Variants in ZNF737 observed in about 807,000 individuals in gnomAD.
ZNF737 encodes the protein zinc finger protein 737, also known as zinc finger protein 102 (Y3).
A neutral mutation model predicts 11.7 loss-of-function variants in ZNF737; 13 were observed. The observed-to-expected ratio is 1.11, with a 90% CI of 0.73 to 1.77. The LOEUF is 1.77. ZNF737 is among the 40% of genes most tolerant of loss of function. The pLI, the probability that ZNF737 is intolerant of heterozygous loss-of-function variation, is 0.00. For missense variants in ZNF737, 636 were observed against 638.0 expected (o/e 1.00, Z 0.03); for synonymous variants, 217 against 216.2 (o/e 1.00, Z -0.03).
chr19:20,546,662 C>T (rs1599411006), intron 3 of ZNF737, among the ~76,000 whole-genome samples: 1 of 152,104 alleles, frequency 6.6e-6, no homozygotes, highest in Non-Finnish European at 1.5e-5. Context: ...GGGAGATCCA[C>T]TGGGGCCAAA....
At chr19:20,553,192 T>C (rs1230424681) in intron 2 of ZNF737, among the ~76,000 whole-genome samples, 2 of 152,144 alleles carry the variant, frequency 1.3e-5, no homozygotes, top group Non-Finnish European at 2.9e-5. Context: ...GAGTGAAGAT[T>C]ACAGCTCACC....
intron 3 of ZNF737, among the ~76,000 whole-genome samples, chr19:20,548,567 T>C (rs1249946968): frequency 6.6e-6 from 1 of 152,136 alleles, no homozygotes; most frequent in Non-Finnish European, 1.5e-5. Flanking sequence ...GAAAACTTTC[T>C]AAAAGTCTTT....
rs571890513 is a variant in ZNF737, at chr19:20,539,158, C to T, written c.*5434G>A. 2.6e-4 allele frequency: 143 copies of T among 556,536 alleles called. 1 individual carries two copies. Among genetic ancestry groups the T allele is most frequent in the South Asian group, 1.3e-3 (16 of 12,736 alleles). 34.5% of individuals were successfully genotyped at this position (556,536 alleles called of 1,614,324 possible). On this transcript the variant is annotated 3_prime_UTR_variant, in exon 4 of 4. Transcript: ENST00000427401. The stretch of plus-strand genomic sequence containing the variant: ...TACAAAAATTATCCGGGCATAATGG[C>T]GGGTGCCTGTTATCCCAGCTACTCA...
chr19:20,553,807 A>G lies in ZNF737; in HGVS notation c.32T>C (p.Ile11Thr), dbSNP rs782535055. 4 of 1,613,908 alleles carry G rather than the reference A, an allele frequency of 2.5e-6. No individual in the cohort carries two copies. Among genetic ancestry groups the G allele is most frequent in the Non-Finnish European group, 3.4e-6 (4 of 1,179,912 alleles). Residue 11 changes from isoleucine to threonine, a missense_variant, in exon 2 of 4, where the codon ATA (isoleucine) becomes ACA (threonine). Transcript: ENST00000427401. The part of the protein sequence containing the change: MGPLQFRDVA[I>T]EFSLEEWHCL... ...ATGCCACTCCTCCAGAGAGAATTCT[A>G]TGGCCACGTCTCTAAATTGCAATGG...
downstream of ZNF737, among the ~76,000 whole-genome samples, chr19:20,532,645 T>A (rs1429787464): frequency 6.0e-5 from 9 of 149,872 alleles, no homozygotes; most frequent in Non-Finnish European, 1.2e-4. Context: ...TTTAATAACC[T>A]GGAACCTGGG....
At position 20,545,379 on chromosome 19, in the gene ZNF737, T is replaced by C; in HGVS notation, c.824A>G (p.His275Arg). The change falls in exon 4 of 4, where the codon CAT becomes CGT. Residue 275 changes from histidine to arginine, a missense_variant. His to Arg is a conservative substitution (Grantham distance 29, BLOSUM62 0). Transcript: ENST00000427401. The part of the protein sequence containing the change: ...AFKRSSNLTT[H>R]KIIHTGEKPY... Reference sequence around the variant, plus strand: ...TTTCTCTCCAGTATGAATTATCTTATGTGTAGTAAGGTTAGAGGAGCGCTT... The same window carrying C: ...TTTCTCTCCAGTATGAATTATCTTACGTGTAGTAAGGTTAGAGGAGCGCTT... 1.2e-6 allele frequency: 2 copies of C among 1,613,894 alleles called. No homozygotes were observed. Among genetic ancestry groups the C allele is most frequent in the Non-Finnish European group, 1.7e-6 (2 of 1,179,928 alleles).
At chr19:20,561,213 G>T (rs535461226) in intron 1 of ZNF737, among the ~76,000 whole-genome samples, 1 of 152,310 alleles carries the variant, frequency 6.6e-6, no homozygotes, top group East Asian at 1.9e-4. Flanking sequence ...GATTCAAAAT[G>T]CTAGGTTGGT....
rs782623924 is a variant in ZNF737, at chr19:20,544,903, A to C, written c.1300T>G (p.Phe434Val). Residue 434 changes from phenylalanine to valine, a missense_variant, in exon 4 of 4, where the codon TTT becomes GTT. Physicochemically the swap from Phe to Val is conservative, Grantham distance 50. Transcript: ENST00000427401. Reference sequence around the variant, plus strand: ...GTAGTAAGGATAGAGAAGCACTTAAAGGCCTTGCCACATTCTTCACACTTG... The same window carrying C: ...GTAGTAAGGATAGAGAAGCACTTAACGGCCTTGCCACATTCTTCACACTTG... ...PFKCEECGKAFKCFSILTTHK... is the reference protein window; with the variant it reads ...PFKCEECGKAVKCFSILTTHK... 32 of 1,612,962 alleles carry C rather than the reference A, an allele frequency of 2.0e-5. No individual in the cohort carries two copies. The highest frequency in any genetic ancestry group is 2.5e-5 in the Non-Finnish European group (30 of 1,179,612).
At chr19:20,531,287 G>A (rs1415861758), downstream of ZNF737, among the ~76,000 whole-genome samples, 15 of 146,860 alleles carry the variant, frequency 1.0e-4, 1 homozygote, top group African/African-American at 2.8e-4. Flanking sequence ...GAGGGGAGCC[G>A]GAGTCACTCT....
In ZNF737 at chr19:20,540,963, T is replaced by G. The variant is rs1555754988; in HGVS notation, c.*3629A>C. ...CCAATTATTCAATTTTGGTTGAATG[T>G]TCATTCAAATAAGTGTTAAAAATGA... On this transcript the variant is annotated 3_prime_UTR_variant, in exon 4 of 4. Transcript: ENST00000427401. The G allele has an allele frequency of 3.1e-6, 3 of 979,324 alleles. No individual in the cohort carries two copies. The highest frequency in any genetic ancestry group is 3.6e-6 in the Non-Finnish European group (3 of 825,620). 60.7% of individuals were successfully genotyped at this position (979,324 alleles called of 1,614,324 possible). A position where few individuals can be genotyped will look rare whatever the true frequency, so the allele number is the denominator to read the frequency against.
At chr19:20,547,401 A>AAAAAAAAC (rs375309959) in intron 3 of ZNF737, among the ~76,000 whole-genome samples, 1 of 141,232 alleles carries the variant, frequency 7.1e-6, no homozygotes, top group Non-Finnish European at 1.5e-5. Context: ...AAAAAAAAAA[A>AAAAAAAAC]CACCACCTAC....
At chr19:20,532,677 T>G (rs1201564805), downstream of ZNF737, among the ~76,000 whole-genome samples, 1 of 149,890 alleles carries the variant, frequency 6.7e-6, no homozygotes, top group Non-Finnish European at 1.5e-5. Flanking sequence ...CTCATCCCAT[T>G]AAACCAGCCC....
At chr19:20,546,367 G>A (rs1048175973) in intron 3 of ZNF737, among the ~76,000 whole-genome samples, 1 of 152,024 alleles carries the variant, frequency 6.6e-6, no homozygotes, top group Non-Finnish European at 1.5e-5. Context: ...GTGACACATG[G>A]GTGGATCATG....
rs1156274363 is a variant in ZNF737, at chr19:20,545,457, A to G, written c.746T>C (p.Ile249Thr). The change falls in exon 4 of 4, where the codon ATA (isoleucine) becomes ACA (threonine). Residue 249 changes from isoleucine to threonine, a missense_variant. Coordinates refer to ENST00000427401, the MANE Select transcript of ZNF737 (RefSeq NM_001159293.2). ...GTAGGGTTTCTCTCCACTATGAATT[A>G]TCTTATGTGCAGTAAGGTATGAAAA... ...SRFSYLTAHK[I>T]IHSGEKPYKC... The G allele has an allele frequency of 6.2e-7, 1 of 1,613,380 alleles. No individual in the cohort carries two copies. The highest frequency in any genetic ancestry group is 1.1e-5 in the South Asian group (1 of 91,012).
rs183929391 is a variant in ZNF737, at chr19:20,538,304, T to A, written c.*6288A>T. Among the ~76,000 whole-genome samples, 124 of 152,372 alleles carry A rather than the reference T, an allele frequency of 8.1e-4. No individual in the cohort carries two copies. Among genetic ancestry groups the A allele is most frequent in the African/African-American group, 2.8e-3 (117 of 41,596 alleles). ...ACTAATCCAAGCAAGCATTAGGTCA[T>A]AGCCTGTTCCTCCTCCTTATTTGAA... On this transcript the variant is annotated 3_prime_UTR_variant, in exon 4 of 4. Transcript: ENST00000427401.
chr19:20,546,099 C>T, intron 3 of ZNF737, 123 bp from the exon 4 acceptor site: 1 of 1,217,204 alleles, frequency 8.2e-7, no homozygotes, highest in Non-Finnish European at 1.1e-6. Context: ...ATACCACAAA[C>T]TGTAATTTCT....
In ZNF737 at chr19:20,542,663, C is replaced by T. The variant is rs1029263305; in HGVS notation, c.*1929G>A. 35 of 981,738 alleles carry T rather than the reference C, an allele frequency of 3.6e-5. No individual in the cohort carries two copies. The highest frequency in any genetic ancestry group is 4.7e-5 in the South Asian group (1 of 21,220). 60.8% of individuals were successfully genotyped at this position (981,738 alleles called of 1,614,324 possible). A position where few individuals can be genotyped will look rare whatever the true frequency, so the allele number is the denominator to read the frequency against. Reference sequence around the variant, plus strand: ...AATAAAGTATTGCTCTGAACATTTACGTTATACATTACTTAATAGAATTTT... The same window carrying T: ...AATAAAGTATTGCTCTGAACATTTATGTTATACATTACTTAATAGAATTTT... On this transcript the variant is annotated 3_prime_UTR_variant, in exon 4 of 4. Transcript: ENST00000427401.
At position 20,545,658 on chromosome 19, in the gene ZNF737, A is replaced by G. The variant is rs1568427642; in HGVS notation, c.545T>C (p.Phe182Ser). The G allele has an allele frequency of 6.2e-7, 1 of 1,613,994 alleles. No homozygotes were observed. The highest frequency in any genetic ancestry group is 2.2e-5 in the East Asian group (1 of 44,870). The change falls in exon 4 of 4, where the codon TTT (phenylalanine) becomes TCT (serine). Residue 182 changes from phenylalanine to serine, a missense_variant. Phe to Ser is a radical substitution (Grantham distance 155). Coordinates refer to ENST00000427401, the MANE Select transcript of ZNF737 (RefSeq NM_001159293.2). ...TGTAGTAAGGGTTGAAGACTGGTTA[A>G]AAGCTTTGCCACATTCTATACATTT... ...PFKCIECGKAFNQSSTLTTHK... is the reference protein window; with the variant it reads ...PFKCIECGKASNQSSTLTTHK...
At chr19:20,553,013 G>GAAAAAAAAA (rs34125607) in intron 2 of ZNF737, among the ~76,000 whole-genome samples, 1 of 134,122 alleles carries the variant, frequency 7.5e-6, no homozygotes, top group Non-Finnish European at 1.7e-5. Flanking sequence ...CTCTGTCCCC[G>GAAAAAAAAA]AAAAAAAAAA....
Sources: allele counts gnomAD v4.1 joint callset (sites outside exome capture counted in the v4.1 genomes callset), GRCh38; gene constraint gnomAD v4.1.1; transcripts MANE v1.5; gene names NCBI Gene and HGNC (gene_info 2026-07-23, HGNC 2026-07-21).